The following AFG3L2 variants were observed in gnomAD, a reference collection of about 807,000 sequenced individuals.
AFG3L2 encodes AFG3 like matrix AAA peptidase subunit 2.
In AFG3L2, 54 loss-of-function variants were observed where a neutral mutation model predicts 94.5. That is an observed-to-expected ratio of 0.57 (90% CI 0.46 to 0.72). The LOEUF is 0.72. Ranked by LOEUF, AFG3L2 falls within the 30% of genes least tolerant of loss-of-function variation. AFG3L2 has a pLI of 0.00. For missense variants in AFG3L2, 754 were observed against 994.9 expected (o/e 0.76, Z 3.26); for synonymous variants, 377 against 365.5 (o/e 1.03, Z -0.36).
In AFG3L2 at chr18:12,363,819, C is replaced by A. The variant is rs2143207720; in HGVS notation, c.590G>T (p.Arg197Leu). ...RLEVVNKRFV[R>L]VTFTPGKTPV... is the part of the protein sequence containing the mutation. ...AGTTTTTCCTGGTGTAAAGGTCACT[C>A]GAACAAAACGCTTGTTGACGACTTC... The change falls in exon 6 of 17, where the codon CGA becomes CTA. Residue 197 changes from arginine (R) to leucine (L), a missense_variant. This residue lies in a region of AFG3L2 where 130 missense variants were observed against 175.1 expected (regional missense o/e 0.74). Coordinates refer to ENST00000269143, the MANE Select transcript of AFG3L2 (RefSeq NM_006796.3). The A allele has an allele frequency of 4.3e-6, 7 of 1,613,334 alleles. No homozygotes were observed. The highest frequency in any genetic ancestry group is 5.9e-6 in the Non-Finnish European group (7 of 1,179,886).
Position 12,348,160 on chromosome 18 carries a change from AGGGCT to A in AFG3L2, c.1663+108_1663+112del, listed in dbSNP as rs1397589301. 1.5e-5 allele frequency: 13 copies of A among 875,720 alleles called. No homozygotes were observed. The Admixed American group carries it at 2.0e-4, about 13-fold the overall frequency. 54.2% of individuals were successfully genotyped at this position (875,720 alleles called of 1,614,324 possible). On this transcript the variant is annotated intron_variant, in intron 13 of 16. Coordinates refer to ENST00000269143, the MANE Select transcript of AFG3L2 (RefSeq NM_006796.3). ...AGAGAGCACAAATGTGGTGGGCCCC[AGGGCT>A]GAGTGGATACACTTTCTTTGCTTCT... is the stretch of plus-strand genomic sequence containing the variant.
intron 16 of AFG3L2, among the ~76,000 whole-genome samples, chr18:12,336,955 T>C (rs1262266648): frequency 6.6e-6 from 1 of 152,238 alleles, no homozygotes; most frequent in African/African-American, 2.4e-5. Flanking sequence ...TTCTTTTACT[T>C]GCCCTTTCAT....
chr18:12,355,673 ATTTTT>A (rs71369929), intron 9 of AFG3L2, among the ~76,000 whole-genome samples: 3 of 145,456 alleles, frequency 2.1e-5, no homozygotes, highest in Non-Finnish European at 4.5e-5. Flanking sequence ...CGATTTACAT[ATTTTT>A]TTTTTTTTTG....
intron 13 of AFG3L2, among the ~76,000 whole-genome samples, chr18:12,345,794 AATT>A (rs1281611826): frequency 6.6e-6 from 1 of 152,190 alleles, no homozygotes; most frequent in Non-Finnish European, 1.5e-5. Flanking sequence ...CTCTACAGTG[AATT>A]ATTATATTTT....
chr18:12,370,784 G>T, intron 3 of AFG3L2, 65 bp downstream of exon 3: 1 of 1,095,830 alleles, frequency 9.1e-7, no homozygotes, highest in Non-Finnish European at 1.4e-6. Flanking sequence ...TTGTTCAGTG[G>T]AAACTACCAC....
Position 12,377,222 on chromosome 18 carries a change from G to A in AFG3L2, c.-140C>T, listed in dbSNP as rs1408952657. On this transcript the variant is annotated 5_prime_UTR_variant, in exon 1 of 17. Transcript: ENST00000269143. Reference sequence around the variant, plus strand: ...GCCGGCGGCTCACGGAGGAGCCCAAGCTCTCAACGCGGCGTCTCCTGCCGC... The same window carrying A: ...GCCGGCGGCTCACGGAGGAGCCCAAACTCTCAACGCGGCGTCTCCTGCCGC... 4 of 671,726 alleles carry A rather than the reference G, an allele frequency of 6.0e-6. No homozygotes were observed. Among genetic ancestry groups the A allele is most frequent in the Non-Finnish European group, 9.9e-6 (4 of 405,870 alleles). 41.6% of individuals were successfully genotyped at this position (671,726 alleles called of 1,614,324 possible).
intron 12 of AFG3L2, among the ~76,000 whole-genome samples, chr18:12,350,663 T>C (rs1173786948): frequency 1.3e-5 from 2 of 152,070 alleles, no homozygotes; most frequent in African/African-American, 4.8e-5. Flanking sequence ...AAAGTAAAAA[T>C]AGTCGGGCAC....
At chr18:12,340,127 G>T in intron 15 of AFG3L2, 74 bp downstream of exon 15, 1 of 1,333,232 alleles carries the variant, frequency 7.5e-7, no homozygotes, top group Non-Finnish European at 1.1e-6. Flanking sequence ...TTGTTTCAGA[G>T]CCATTCATAG....
At chr18:12,333,122 GATTA>G (rs1907621231) in intron 16 of AFG3L2, among the ~76,000 whole-genome samples, 1 of 64,368 alleles carries the variant, frequency 1.6e-5, no homozygotes, top group Admixed American at 2.5e-4. Context: ...TTATATAATA[GATTA>G]TATATATAAT....
chr18:12,344,233 T>C lies in AFG3L2; in HGVS notation c.1678A>G (p.Thr560Ala). The change falls in exon 14 of 17, where the codon ACG becomes GCG. Residue 560 changes from threonine to alanine, a missense_variant. Transcript: ENST00000269143. The stretch of plus-strand genomic sequence containing the variant: ...TTCTCCTCAGGCTGCAGAACCTGCG[T>C]TTTCTTCTCTAAGCCTAACAAAATA... ...ERVIGGLEKK[T>A]QVLQPEEKKT... The C allele has an allele frequency of 6.2e-7, 1 of 1,614,034 alleles. No individual in the cohort carries two copies.
intron 15 of AFG3L2, 117 bp downstream of exon 15, chr18:12,340,084 C>G: frequency 1.0e-6 from 1 of 982,158 alleles, no homozygotes. Flanking sequence ...TAATCCTTGC[C>G]TAAAAAGCCT....
At chr18:12,352,915 A>G (rs529682620) in intron 10 of AFG3L2, 90 bp downstream of exon 10, 1 of 1,561,464 alleles carries the variant, frequency 6.4e-7, no homozygotes, top group African/African-American at 1.4e-5. Flanking sequence ...AAATCACACC[A>G]CTCACTTCAG....
At chr18:12,374,180 T>C (rs950488010) in intron 1 of AFG3L2, among the ~76,000 whole-genome samples, 5 of 152,210 alleles carry the variant, frequency 3.3e-5, no homozygotes, top group Admixed American at 6.5e-5. Flanking sequence ...AAATCATCAA[T>C]GAAACTTCTT....
At chr18:12,370,963 T>A (rs1175773783) in intron 2 of AFG3L2, 37 bp from the exon 3 acceptor site, 3 of 1,273,530 alleles carry the variant, frequency 2.4e-6, no homozygotes, top group Non-Finnish European at 3.4e-6. Flanking sequence ...ATCTTCAAAC[T>A]AAAATTCATC....
intron 12 of AFG3L2, 87 bp downstream of exon 12, chr18:12,350,998 G>C: frequency 6.4e-7 from 1 of 1,558,370 alleles, no homozygotes; most frequent in African/African-American, 1.4e-5. Context: ...GTAAAGAAGT[G>C]AAAAGGTAAG....
intron 3 of AFG3L2, among the ~76,000 whole-genome samples, chr18:12,370,463 C>CTTTTTTTTTTT (rs71369930): frequency 8.3e-5 from 10 of 121,040 alleles, no homozygotes; most frequent in African/African-American, 3.4e-4. Flanking sequence ...CTATAACTTT[C>CTTTTTTTTTTT]TTTTTTTTTT....
chr18:12,376,868 C>A, intron 1 of AFG3L2, 101 bp downstream of exon 1: 2 of 931,370 alleles, frequency 2.1e-6, no homozygotes, highest in Non-Finnish European at 1.4e-6. Flanking sequence ...GGCCCGCGTG[C>A]GGCCGGAGGG....
chr18:12,352,613 T>C (rs554807586), intron 10 of AFG3L2, among the ~76,000 whole-genome samples: 60 of 152,298 alleles, frequency 3.9e-4, no homozygotes, highest in African/African-American at 1.3e-3. Flanking sequence ...TGTGACTCAT[T>C]TCACCAATTC....
intron 3 of AFG3L2, 53 bp downstream of exon 3, chr18:12,370,796 A>G: frequency 1.7e-6 from 2 of 1,194,400 alleles, no homozygotes; most frequent in East Asian, 2.4e-5. Context: ...AACTACCACC[A>G]TTATACATGA....
Sources: gnomAD v4.1 joint callset for allele counts (sites outside exome capture counted in the v4.1 genomes callset) on GRCh38, gnomAD v4.1.1 for gene constraint, gnomAD v4.1.1 regional missense constraint, MANE v1.5 for transcripts, NCBI Gene and HGNC (gene_info 2026-07-23, HGNC 2026-07-21) for gene names.